Variants in PLSCR2 observed in about 807,000 individuals in gnomAD.
PLSCR2 encodes phospholipid scramblase 2.
Under a neutral mutation model 25.3 loss-of-function variants are expected in PLSCR2, and 18 were observed. That is an observed-to-expected ratio of 0.71 (90% CI 0.49 to 1.06). The LOEUF is 1.06. PLSCR2 is among the 50% of genes least tolerant of loss of function. PLSCR2 has a pLI of 0.00. For missense variants in PLSCR2, 243 were observed against 269.5 expected, an observed-to-expected ratio of 0.90 and a Z score of 0.69; for synonymous variants, 88 against 87.3, an observed-to-expected ratio of 1.01 and a Z score of -0.04.
intron 1 of PLSCR2, among the ~76,000 whole-genome samples, chr3:146,468,380 T>A (rs931737766): frequency 6.6e-6 from 1 of 152,230 alleles, no homozygotes; most frequent in Non-Finnish European, 1.5e-5. Context: ...GTACTAACCA[T>A]GTATCTCAGT....
chr3:146,489,098 T>A (rs899876601), intron 1 of PLSCR2, among the ~76,000 whole-genome samples: 5 of 151,946 alleles, frequency 3.3e-5, no homozygotes, highest in African/African-American at 1.2e-4. Context: ...TTCTCACTCA[T>A]AAGTGGGAGC....
At chr3:146,416,980 G>A (rs77752778) in intron 2 of PLSCR2, among the ~76,000 whole-genome samples, 2,062 of 152,248 alleles carry the variant, frequency 0.014, 36 homozygotes, top group African/African-American at 0.048. Context: ...CTTGAAGAAT[G>A]AGCATTGGTA....
upstream of PLSCR2, among the ~76,000 whole-genome samples, chr3:146,461,497 T>C (rs941432172): frequency 1.6e-4 from 25 of 152,218 alleles, no homozygotes; most frequent in African/African-American, 6.0e-4. Flanking sequence ...AATAAAATAA[T>C]TTTTTATAAA....
chr3:146,407,114 T>C (rs1050589711), intron 2 of PLSCR2, among the ~76,000 whole-genome samples: 1 of 152,142 alleles, frequency 6.6e-6, no homozygotes, highest in Non-Finnish European at 1.5e-5. Flanking sequence ...TTTTCACCAG[T>C]TTTTAAGATT....
intron 5 of PLSCR2, among the ~76,000 whole-genome samples, chr3:146,450,671 A>AT (rs1318741590): frequency 1.3e-5 from 2 of 152,238 alleles, no homozygotes; most frequent in Non-Finnish European, 2.9e-5. Context: ...GAGTGAACAT[A>AT]TATCATCTAA....
chr3:146,491,515 T>C (rs1427051668), intron 1 of PLSCR2, among the ~76,000 whole-genome samples: 1 of 152,178 alleles, frequency 6.6e-6, no homozygotes, highest in East Asian at 1.9e-4. Flanking sequence ...TTGTTCTGTT[T>C]ACGTAATCCC....
chr3:146,427,774 C>G (rs1245607142), intron 2 of PLSCR2, among the ~76,000 whole-genome samples: 2 of 152,150 alleles, frequency 1.3e-5, no homozygotes, highest in African/African-American at 2.4e-5. Context: ...GATCATAACA[C>G]TTTTCACATG....
intron 1 of PLSCR2, among the ~76,000 whole-genome samples, chr3:146,485,660 T>C (rs2043312639): frequency 6.6e-6 from 1 of 152,008 alleles, no homozygotes. Flanking sequence ...CTCAAAACCA[T>C]ACAGCTATCT....
intron 5 of PLSCR2, among the ~76,000 whole-genome samples, chr3:146,450,157 T>A (rs1244845927): frequency 3.3e-5 from 5 of 152,174 alleles, no homozygotes. Flanking sequence ...GGAATATAAC[T>A]AACATTCACC....
chr3:146,431,486 TAC>T (rs1488846304), downstream of PLSCR2, among the ~76,000 whole-genome samples: 12 of 152,184 alleles, frequency 7.9e-5, no homozygotes, highest in Admixed American at 7.2e-4. Context: ...GCCAAGACCC[TAC>T]AGTTTCTGAC....
chr3:146,474,805 TC>T (rs2108508311), intron 1 of PLSCR2, among the ~76,000 whole-genome samples: 1 of 152,160 alleles, frequency 6.6e-6, no homozygotes, highest in Non-Finnish European at 1.5e-5. Flanking sequence ...TTTTATAAAG[TC>T]CCATATTTCT....
chr3:146,472,194 T>C (rs1029376335), intron 1 of PLSCR2, among the ~76,000 whole-genome samples: 1 of 152,232 alleles, frequency 6.6e-6, no homozygotes, highest in African/African-American at 2.4e-5. Context: ...TCACAGCCAA[T>C]TTTTATAAAT....
intron 3 of PLSCR2, among the ~76,000 whole-genome samples, chr3:146,393,020 T>C (rs2038139243): frequency 6.8e-6 from 1 of 146,268 alleles, no homozygotes; most frequent in African/African-American, 2.5e-5. Flanking sequence ...TTGGGTTATT[T>C]ACATTCCTTT....
chr3:146,438,443 T>C (rs1305096701), downstream of PLSCR2, among the ~76,000 whole-genome samples: 1 of 152,228 alleles, frequency 6.6e-6, no homozygotes, highest in African/African-American at 2.4e-5. Context: ...ACTTGCTTTA[T>C]GAATCTGGAT....
chr3:146,448,122 T>A (rs1167189080), intron 6 of PLSCR2, among the ~76,000 whole-genome samples: 4 of 152,184 alleles, frequency 2.6e-5, no homozygotes, highest in Non-Finnish European at 5.9e-5. Context: ...CCTCTTTTTT[T>A]AATGTGATCT....
At chr3:146,430,251 CACAA>C (rs778022888), downstream of PLSCR2, among the ~76,000 whole-genome samples, 2 of 152,010 alleles carry the variant, frequency 1.3e-5, no homozygotes, top group Non-Finnish European at 2.9e-5. Flanking sequence ...TTTGTAGCAA[CACAA>C]ACAGACTAAT....
chr3:146,423,021 T>C (rs530299635), intron 2 of PLSCR2, among the ~76,000 whole-genome samples: 1 of 152,180 alleles, frequency 6.6e-6, no homozygotes, highest in Admixed American at 6.6e-5. Flanking sequence ...TATGATATTA[T>C]AACATTTTGC....
At chr3:146,477,594 G>A (rs1336064659) in intron 1 of PLSCR2, among the ~76,000 whole-genome samples, 42 of 152,214 alleles carry the variant, frequency 2.8e-4, no homozygotes, top group Admixed American at 2.7e-3. Flanking sequence ...GCTTGAACTG[G>A]ACAGAGCCCA....
intron 5 of PLSCR2, 21 bp from the exon 6 acceptor site, chr3:146,449,388 A>C: frequency 1.3e-6 from 2 of 1,539,918 alleles, no homozygotes; most frequent in South Asian, 2.4e-5. Flanking sequence ...AAAAAAAAAA[A>C]AACTTAAAAA....
Sources: gnomAD v4.1 joint callset for allele counts (sites outside exome capture counted in the v4.1 genomes callset) on GRCh38, gnomAD v4.1.1 for gene constraint, MANE v1.5 for transcripts, NCBI Gene and HGNC (gene_info 2026-07-23, HGNC 2026-07-21) for gene names.